KIF26B: variants seen among roughly 807,000 people sequenced by gnomAD.
KIF26B encodes kinesin family member 26B.
A neutral mutation model predicts 151.2 loss-of-function variants in KIF26B; 63 were observed. That is an observed-to-expected ratio of 0.42 (90% confidence interval 0.34 to 0.51). KIF26B has a LOEUF of 0.51. Among genes scored for constraint, KIF26B ranks in the 20% least tolerant of loss-of-function variants. The probability of loss-of-function intolerance (pLI) is 0.07; values close to 1 mark genes in which losing one functional copy is unlikely to be tolerated. For missense variants in KIF26B, 2,813 were observed against 2,913.6 expected, an observed-to-expected ratio of 0.97 and a Z score of 0.79; for synonymous variants, 1,357 against 1,262.1, an observed-to-expected ratio of 1.08 and a Z score of -1.59.
chr1:245,176,155 A>G (rs1668805565), intron 2 of KIF26B, among the ~76,000 whole-genome samples: 1 of 151,830 alleles, frequency 6.6e-6, no homozygotes, highest in Non-Finnish European at 1.5e-5. Context: ...ATGAGTCACC[A>G]CGCCCAGCTA....
chr1:245,655,276 G>A (rs914134791), intron 10 of KIF26B, among the ~76,000 whole-genome samples: 10 of 152,206 alleles, frequency 6.6e-5, no homozygotes, highest in Non-Finnish European at 8.8e-5. Flanking sequence ...CCATGGAGAC[G>A]ATGTCTGTGG....
rs575869705 is a variant in KIF26B at position 245,179,663 on chromosome 1, C to T, written c.465+22980C>T. Among the ~76,000 whole-genome samples the T allele has an allele frequency of 5.9e-5, 9 of 152,158 alleles. No homozygotes were observed. The South Asian group carries it at 6.2e-4, about 11-fold the overall frequency. On this transcript the variant is annotated intron_variant, in intron 2 of 14. Transcript: ENST00000407071. ...AAACAAAGGAGACCCCAACATTGGTCGTGAGAAGTTTACCAACCAGGAGGG... is the reference window on the plus strand; with the variant it reads ...AAACAAAGGAGACCCCAACATTGGTTGTGAGAAGTTTACCAACCAGGAGGG...
At chr1:245,185,631 C>T (rs1026408486) in intron 2 of KIF26B, among the ~76,000 whole-genome samples, 1 of 152,184 alleles carries the variant, frequency 6.6e-6, no homozygotes, top group Non-Finnish European at 1.5e-5. Context: ...AATGAGCTGT[C>T]ATCTGGCAAT....
At chr1:245,649,730 C>G (rs577907256) in intron 10 of KIF26B, among the ~76,000 whole-genome samples, 1 of 152,156 alleles carries the variant, frequency 6.6e-6, no homozygotes, top group African/African-American at 2.4e-5. Context: ...ATTTGTCTCC[C>G]CAGACAACTC....
At chr1:245,467,072 CA>C (rs1193742690) in intron 4 of KIF26B, among the ~76,000 whole-genome samples, 2 of 152,184 alleles carry the variant, frequency 1.3e-5, no homozygotes, top group African/African-American at 4.8e-5. Context: ...TGGGTCCAAC[CA>C]GATGCTAAAA....
intron 5 of KIF26B, among the ~76,000 whole-genome samples, chr1:245,595,297 G>C (rs2043327730): frequency 6.6e-6 from 1 of 152,144 alleles, no homozygotes; most frequent in Admixed American, 6.6e-5. Flanking sequence ...TTGGCTGTGG[G>C]TTTGTCATAA....
chr1:245,363,990 T>TGTAC (rs1672881286), intron 2 of KIF26B, among the ~76,000 whole-genome samples: 1 of 152,158 alleles, frequency 6.6e-6, no homozygotes, highest in Admixed American at 6.5e-5. Flanking sequence ...GCTCCATGTA[T>TGTAC]GTACGGATTG....
intron 4 of KIF26B, among the ~76,000 whole-genome samples, chr1:245,463,671 T>C (rs1056779757): frequency 2.0e-5 from 3 of 152,226 alleles, no homozygotes; most frequent in Non-Finnish European, 2.9e-5. Context: ...CCTGCTGTCC[T>C]GTGGTGCAGC....
At chr1:245,235,962 C>T (rs1175682985) in intron 2 of KIF26B, among the ~76,000 whole-genome samples, 1 of 147,374 alleles carries the variant, frequency 6.8e-6, no homozygotes, top group East Asian at 2.0e-4. Context: ...CAGAGTCTCG[C>T]TCTGTCACCC....
chr1:245,388,788 G>A (rs1471008444), intron 3 of KIF26B, among the ~76,000 whole-genome samples: 1 of 152,182 alleles, frequency 6.6e-6, no homozygotes, highest in Non-Finnish European at 1.5e-5. Context: ...TCTGTTGGGT[G>A]GAAGACATCC....
chr1:245,664,178 G>A lies in KIF26B; in HGVS notation c.2258+17898G>A, dbSNP rs531961956. 5.9e-4 allele frequency among the ~76,000 whole-genome samples: 90 copies of A among 151,960 alleles called. 1 individual carries two copies. The highest frequency in any genetic ancestry group is 2.1e-3 in the African/African-American group (89 of 41,438). On this transcript the variant is annotated intron_variant, in intron 10 of 14. Coordinates refer to ENST00000407071, the MANE Select transcript of KIF26B (RefSeq NM_018012.4). ...GAGGTCGGGAGTTCAAGACCAGCCT[G>A]ACCAACATGGAGAAACCCTGTCTCG...
chr1:245,616,418 C>T (rs759797279), intron 9 of KIF26B, among the ~76,000 whole-genome samples: 4 of 152,180 alleles, frequency 2.6e-5, no homozygotes, highest in East Asian at 1.9e-4. Flanking sequence ...CTTCTCATAA[C>T]GACGCGTGTA....
chr1:245,198,859 A>G (rs1438883598), intron 2 of KIF26B, among the ~76,000 whole-genome samples: 1 of 96,808 alleles, frequency 1.0e-5, no homozygotes, highest in African/African-American at 4.0e-5. Context: ...TGCTCTGGAG[A>G]GTGTAACGGG....
rs775386265 is a variant in KIF26B at position 245,601,990 on chromosome 1, C to T, written c.1351-587C>T. Among the ~76,000 whole-genome samples, 8 of 152,214 alleles carry T rather than the reference C, an allele frequency of 5.3e-5. No homozygotes were observed. The highest frequency in any genetic ancestry group is 7.3e-5 in the Non-Finnish European group (5 of 68,040). On this transcript the variant is annotated intron_variant, in intron 5 of 14. Coordinates refer to ENST00000407071, the MANE Select transcript of KIF26B (RefSeq NM_018012.4). This position sits in a 1 kb window ranked among gnomAD's most constrained non-coding sequence, Gnocchi z 4.4. ...TCTGAAACGACAACTTCTCTGCACT[C>T]GCTTAATGGGATCCCAAATAACACG...
intron 3 of KIF26B, among the ~76,000 whole-genome samples, chr1:245,416,384 C>T (rs954235342): frequency 2.0e-5 from 3 of 151,772 alleles, no homozygotes; most frequent in African/African-American, 7.3e-5. Context: ...CGTAGATACA[C>T]GTGAGCAGTA....
chr1:245,309,955 T>C (rs1249974044), intron 2 of KIF26B, among the ~76,000 whole-genome samples: 1 of 147,302 alleles, frequency 6.8e-6, no homozygotes, highest in Admixed American at 6.8e-5. Flanking sequence ...TATATGTATA[T>C]ATATCCTATT....
At chr1:245,373,823 A>C (rs902410304) in intron 3 of KIF26B, among the ~76,000 whole-genome samples, 6 of 151,710 alleles carry the variant, frequency 4.0e-5, no homozygotes, top group Admixed American at 6.6e-5. Flanking sequence ...GCACTTTGGG[A>C]GGCCAAGGTG....
At chr1:245,211,669 A>T (rs1320584970) in intron 2 of KIF26B, among the ~76,000 whole-genome samples, 1 of 152,146 alleles carries the variant, frequency 6.6e-6, no homozygotes, top group East Asian at 1.9e-4. Context: ...GAGCTCTGGG[A>T]TTAGAGATGT....
chr1:245,168,656 A>G (rs1442743695), intron 2 of KIF26B, among the ~76,000 whole-genome samples: 1 of 152,206 alleles, frequency 6.6e-6, no homozygotes, highest in Non-Finnish European at 1.5e-5. Flanking sequence ...TTTATTCATC[A>G]TTCTTCATCT....
Sources: gnomAD v4.1 joint callset for allele counts (sites outside exome capture counted in the v4.1 genomes callset) on GRCh38, gnomAD v4.1.1 for gene constraint, Gnocchi (gnomAD v3.1) non-coding constraint, MANE v1.5 for transcripts, NCBI Gene and HGNC (gene_info 2026-07-23, HGNC 2026-07-21) for gene names.